SMR3B: variants seen among roughly 807,000 people sequenced by gnomAD.
SMR3B encodes the protein submaxillary gland androgen-regulated protein 3B.
For synonymous variants in SMR3B, 42 were observed against 36.1 expected (o/e 1.16, Z -0.59); for missense variants, 114 against 99.9 (o/e 1.14, Z -0.60).
At chr4:70,384,622 A>G in intron 2 of SMR3B, 58 bp downstream of exon 2, 1 of 1,539,802 alleles carries the variant, frequency 6.5e-7, no homozygotes, top group Non-Finnish European at 8.8e-7. Context: ...CCATTACTTC[A>G]GATTTCTTTT....
At chr4:70,386,286 A>AC (rs1331440409) in intron 2 of SMR3B, among the ~76,000 whole-genome samples, 4 of 151,380 alleles carry the variant, frequency 2.6e-5, no homozygotes, top group African/African-American at 9.7e-5. Context: ...AAAAAAAAAA[A>AC]AGAAAAAAGA....
intron 2 of SMR3B, among the ~76,000 whole-genome samples, chr4:70,385,915 T>C (rs1577876445): frequency 6.6e-6 from 1 of 152,066 alleles, no homozygotes; most frequent in African/African-American, 2.4e-5. Context: ...AAGAAAAACA[T>C]TTATAATTTC....
At chr4:70,387,897 G>A (rs1732692437) in intron 2 of SMR3B, among the ~76,000 whole-genome samples, 1 of 152,164 alleles carries the variant, frequency 6.6e-6, no homozygotes, top group Non-Finnish European at 1.5e-5. Context: ...CTCTACCATT[G>A]TTAAGAACCT....
chr4:70,384,716 A>G (rs1732628647), intron 2 of SMR3B, 152 bp downstream of exon 2: 1 of 1,428,756 alleles, frequency 7.0e-7, no homozygotes, highest in Non-Finnish European at 9.3e-7. Context: ...ATTTAAATTT[A>G]AAATCTAATT....
Position 70,389,715 on chromosome 4 carries a change from C to A in SMR3B, c.107C>A (p.Ala36Asp), listed in dbSNP as rs763561228. Residue 36 changes from alanine to aspartate, a missense_variant, in exon 3 of 3, where the codon GCT becomes GAT. Coordinates refer to ENST00000304915, the MANE Select transcript of SMR3B (RefSeq NM_006685.4). Reference sequence around the variant, plus strand: ...GGACCATATCCACCTGGACCGCTGGCTCCTCCTCAACCTTTTGGCCCAGGA... The same window carrying A: ...GGACCATATCCACCTGGACCGCTGGATCCTCCTCAACCTTTTGGCCCAGGA... Reference protein sequence around the residue: ...PRGPYPPGPLAPPQPFGPGFV... With the variant: ...PRGPYPPGPLDPPQPFGPGFV... 6.2e-7 allele frequency: 1 copy of A among 1,614,108 alleles called. No individual in the cohort carries two copies. The highest frequency in any genetic ancestry group is 8.5e-7 in the Non-Finnish European group (1 of 1,180,026).
At chr4:70,387,658 A>G (rs1439336872) in intron 2 of SMR3B, among the ~76,000 whole-genome samples, 2 of 152,168 alleles carry the variant, frequency 1.3e-5, no homozygotes, top group Admixed American at 6.5e-5. Context: ...AGGGAAGTTC[A>G]TTTCTAATTG....
chr4:70,384,746 G>T (rs1229251260), intron 2 of SMR3B, 182 bp downstream of exon 2: 1 of 1,255,996 alleles, frequency 8.0e-7, no homozygotes, highest in Non-Finnish European at 1.1e-6. Flanking sequence ...ACACATGTCT[G>T]ATGGCTGCCA....
intron 2 of SMR3B, 50 bp downstream of exon 2, chr4:70,384,614 A>G (rs1383647138): frequency 2.0e-6 from 3 of 1,535,946 alleles, no homozygotes; most frequent in Non-Finnish European, 1.8e-6. Flanking sequence ...CTCATTAACC[A>G]TTACTTCAGA....
chr4:70,386,677 T>C (rs895011739), intron 2 of SMR3B, among the ~76,000 whole-genome samples: 3 of 152,214 alleles, frequency 2.0e-5, no homozygotes, highest in African/African-American at 7.2e-5. Flanking sequence ...AGCTAATCAA[T>C]GTGATTGGGT....
intron 2 of SMR3B, among the ~76,000 whole-genome samples, chr4:70,385,298 A>C (rs1732638537): frequency 6.6e-6 from 1 of 152,152 alleles, no homozygotes; most frequent in Non-Finnish European, 1.5e-5. Context: ...AAAAATATGA[A>C]AGCTGTTTTT....
In SMR3B at chr4:70,389,902, A is replaced by AAG. The variant is rs1732733511; in HGVS notation, c.*56_*57dup. The AAG allele has an allele frequency of 1.2e-6, 2 of 1,609,530 alleles. No individual in the cohort carries two copies. On this transcript the variant is annotated 3_prime_UTR_variant, in exon 3 of 3. Coordinates refer to ENST00000304915, the MANE Select transcript of SMR3B (RefSeq NM_006685.4). ...GTTATCCACAGCCTCCTTCCCGACC[A>AAG]AGACCCTATCCACCTGGACCTCCAT...
At chr4:70,387,439 C>T (rs1732687196) in intron 2 of SMR3B, among the ~76,000 whole-genome samples, 1 of 152,058 alleles carries the variant, frequency 6.6e-6, no homozygotes, top group African/African-American at 2.4e-5. Flanking sequence ...GTGAGTGGAA[C>T]ATAAATGATA....
At chr4:70,387,708 G>T (rs758248006) in intron 2 of SMR3B, among the ~76,000 whole-genome samples, 2 of 152,116 alleles carry the variant, frequency 1.3e-5, no homozygotes, top group Non-Finnish European at 2.9e-5. Flanking sequence ...AGCCAGTTTG[G>T]TGGGGGTAAA....
chr4:70,387,757 G>A (rs1235405831), intron 2 of SMR3B, among the ~76,000 whole-genome samples: 1 of 152,090 alleles, frequency 6.6e-6, no homozygotes, highest in African/African-American at 2.4e-5. Context: ...TGATAAAACT[G>A]GCATCAACTT....
At chr4:70,383,422 T>C (rs1449460852) in intron 1 of SMR3B, among the ~76,000 whole-genome samples, 2 of 152,114 alleles carry the variant, frequency 1.3e-5, no homozygotes, top group South Asian at 2.1e-4. Flanking sequence ...AAAACATTCA[T>C]GTTGGGCATT....
chr4:70,384,758 A>G (rs1732630002), intron 2 of SMR3B, 194 bp downstream of exon 2: 1 of 1,133,134 alleles, frequency 8.8e-7, no homozygotes, highest in Admixed American at 2.9e-5. Flanking sequence ...TGGCTGCCAT[A>G]CTGGACAGCT....
At chr4:70,386,272 C>CAAAAAAAAA (rs33979547) in intron 2 of SMR3B, among the ~76,000 whole-genome samples, 1 of 126,636 alleles carries the variant, frequency 7.9e-6, no homozygotes. Flanking sequence ...GACTCTATCT[C>CAAAAAAAAA]AAAAAAAAAA....
intron 2 of SMR3B, among the ~76,000 whole-genome samples, chr4:70,385,452 G>A (rs1336354895): frequency 7.1e-6 from 1 of 141,706 alleles, no homozygotes; most frequent in African/African-American, 2.7e-5. Flanking sequence ...CGCCCAGGCT[G>A]GAGTACAGTG....
intron 2 of SMR3B, among the ~76,000 whole-genome samples, chr4:70,387,916 G>C (rs942527913): frequency 3.3e-5 from 5 of 152,166 alleles, no homozygotes; most frequent in Non-Finnish European, 5.9e-5. Context: ...CTGGAATTAG[G>C]AATCCAGGAC....
Sources: gnomAD v4.1 joint callset for allele counts (sites outside exome capture counted in the v4.1 genomes callset) on GRCh38, gnomAD v4.1.1 for gene constraint, MANE v1.5 for transcripts, NCBI Gene and HGNC (gene_info 2026-07-23, HGNC 2026-07-21) for gene names.